Variants in PDE3A observed in about 807,000 individuals in gnomAD.
The protein encoded by PDE3A is phosphodiesterase 3A.
In PDE3A, 43 loss-of-function variants were observed where a neutral mutation model predicts 98.3. That is an observed-to-expected ratio of 0.44 (90% CI 0.34 to 0.56). The LOEUF (loss-of-function observed/expected upper bound fraction) is 0.56. Among genes scored for constraint, PDE3A ranks in the 20% least tolerant of loss-of-function variants. PDE3A has a pLI of 0.01. For synonymous variants in PDE3A, 663 were observed against 567.9 expected, an observed-to-expected ratio of 1.17 and a Z score of -2.38; for missense variants, 1,427 against 1,440.7, an observed-to-expected ratio of 0.99 and a Z score of 0.15.
chr12:20,371,297 G>A (rs1446538129), intron 1 of PDE3A: 2 of 955,222 alleles, frequency 2.1e-6, no homozygotes, highest in Middle Eastern at 5.4e-4. Flanking sequence ...CGAAGGGTAT[G>A]CCTCCCTAGT....
Position 20,488,144 on chromosome 12 carries a change from G to A in PDE3A, c.961-68516G>A, listed in dbSNP as rs186284557. On this transcript the variant is annotated intron_variant, in intron 1 of 15. Coordinates refer to ENST00000359062, the MANE Select transcript of PDE3A (RefSeq NM_000921.5). The stretch of plus-strand genomic sequence containing the variant: ...TCTTTACTCTTGGGGGGCAAGAGGG[G>A]CACTATATTATCCTTTTTACCTTCT... Among the ~76,000 whole-genome samples, 24 of 152,104 alleles carry A rather than the reference G, an allele frequency of 1.6e-4. 1 individual carries two copies. The highest frequency in any genetic ancestry group is 1.6e-3 in the Admixed American group (24 of 15,262).
intron 2 of PDE3A, among the ~76,000 whole-genome samples, chr12:20,595,130 T>C (rs981184571): frequency 2.0e-5 from 3 of 152,180 alleles, no homozygotes; most frequent in Non-Finnish European, 4.4e-5. Flanking sequence ...TCAGGATTAG[T>C]GCATTTAGTG....
At chr12:20,530,767 A>G (rs1337507914) in intron 1 of PDE3A, among the ~76,000 whole-genome samples, 4 of 152,228 alleles carry the variant, frequency 2.6e-5, no homozygotes, top group African/African-American at 9.6e-5. Flanking sequence ...AACAAGGATC[A>G]TTCAAGTCCT....
intron 1 of PDE3A, among the ~76,000 whole-genome samples, chr12:20,386,150 T>TAA (rs1565532650): frequency 1.7e-4 from 5 of 28,832 alleles, no homozygotes; most frequent in East Asian, 4.6e-3. Flanking sequence ...TAAATATATA[T>TAA]ATAAATATAT....
chr12:20,496,478 G>C (rs1242459406), intron 1 of PDE3A, among the ~76,000 whole-genome samples: 1 of 152,052 alleles, frequency 6.6e-6, no homozygotes, highest in African/African-American at 2.4e-5. Context: ...TGACAGCTCT[G>C]ATTCCTGATG....
At chr12:20,642,741 A>T (rs1266080962) in intron 10 of PDE3A, among the ~76,000 whole-genome samples, 1 of 152,160 alleles carries the variant, frequency 6.6e-6, no homozygotes, top group South Asian at 2.1e-4. Flanking sequence ...TCAGCTGTAC[A>T]TGATGTGCCC....
chr12:20,534,258 C>T (rs1293130094), intron 1 of PDE3A, among the ~76,000 whole-genome samples: 3 of 152,202 alleles, frequency 2.0e-5, no homozygotes, highest in Non-Finnish European at 4.4e-5. Context: ...CTTACATAAC[C>T]TGTGCCTGGC....
Position 20,685,270 on chromosome 12 carries a change from G to T in PDE3A, c.*4999G>T, listed in dbSNP as rs758019165. ...TTTACTAAAAATACAAAATGATTCA[G>T]GTGTGGTGGCGCATGTCTGTAATCC... On this transcript the variant is annotated 3_prime_UTR_variant, in exon 16 of 16. Coordinates refer to ENST00000359062, the MANE Select transcript of PDE3A (RefSeq NM_000921.5). Among the ~76,000 whole-genome samples, 1 of 152,024 alleles carries T rather than the reference G, an allele frequency of 6.6e-6. No homozygotes were observed. Among genetic ancestry groups the T allele is most frequent in the African/African-American group, 2.4e-5 (1 of 41,476 alleles).
At chr12:20,672,142 G>C (rs1228838561) in intron 15 of PDE3A, among the ~76,000 whole-genome samples, 18 of 149,546 alleles carry the variant, frequency 1.2e-4, no homozygotes, top group Non-Finnish European at 3.0e-5. Flanking sequence ...ACTTACAAGG[G>C]ATGTGAAGGA....
At position 20,369,608 on chromosome 12, in the gene PDE3A, AG is replaced by A; in HGVS notation, c.329del (p.Gly110AlafsTer97). The A allele has an allele frequency of 1.9e-6, 3 of 1,572,506 alleles. No homozygotes were observed. The highest frequency in any genetic ancestry group is 2.6e-6 in the Non-Finnish European group (3 of 1,159,596). On this transcript the variant is annotated frameshift_variant, in exon 1 of 16. Transcript: ENST00000359062. LOFTEE classifies it high-confidence loss of function. ...EEEEAAPGAE[G>X]GVFPGPRGGA... ...AGGAGGAAGCAGCCCCGGGAGCAGA[AG>A]GGGGCGTCTTCCCGGGGCCTCGGGG...
intron 1 of PDE3A, among the ~76,000 whole-genome samples, chr12:20,534,006 G>T (rs1043001884): frequency 1.3e-5 from 2 of 151,910 alleles, no homozygotes; most frequent in African/African-American, 4.8e-5. Context: ...CTTAGCATCT[G>T]CCAGGGGTGT....
At chr12:20,455,007 T>C (rs1945131021) in intron 1 of PDE3A, among the ~76,000 whole-genome samples, 1 of 152,200 alleles carries the variant, frequency 6.6e-6, no homozygotes, top group African/African-American at 2.4e-5. Flanking sequence ...ATTTCTGGGT[T>C]GAATGGTAGT....
intron 1 of PDE3A, among the ~76,000 whole-genome samples, chr12:20,496,694 T>C (rs1419698094): frequency 6.6e-6 from 1 of 152,192 alleles, no homozygotes; most frequent in Non-Finnish European, 1.5e-5. Context: ...GAAGTATACT[T>C]TTTTAGATTT....
chr12:20,607,217 T>C (rs1943731076), intron 2 of PDE3A, among the ~76,000 whole-genome samples: 1 of 151,970 alleles, frequency 6.6e-6, no homozygotes, highest in African/African-American at 2.4e-5. Flanking sequence ...GGTGGGAGGA[T>C]TGCTTGAACC....
At chr12:20,668,618 A>G (rs1744299098) in intron 15 of PDE3A, among the ~76,000 whole-genome samples, 1 of 152,156 alleles carries the variant, frequency 6.6e-6, no homozygotes, top group South Asian at 2.1e-4. Context: ...GGGTACTCCA[A>G]CAGACCTGCA....
chr12:20,422,098 G>A lies in PDE3A; in HGVS notation c.960+51854G>A, dbSNP rs1476612114. ...GCAATGGCTCACGCCTGTAATCCTA[G>A]CACTTTGGGAGGCCGAGGTGGGCGG... On this transcript the variant is annotated intron_variant, in intron 1 of 15. Coordinates refer to ENST00000359062, the MANE Select transcript of PDE3A (RefSeq NM_000921.5). Among the ~76,000 whole-genome samples, 8 of 152,318 alleles carry A rather than the reference G, an allele frequency of 5.3e-5. No individual in the cohort carries two copies. The East Asian group carries it at 1.5e-3, about 29-fold the overall frequency.
At chr12:20,668,783 G>C in intron 15 of PDE3A, among the ~76,000 whole-genome samples, 1 of 151,644 alleles carries the variant, frequency 6.6e-6, no homozygotes, top group South Asian at 2.1e-4. Flanking sequence ...ACTCTAAAAA[G>C]CAGAGCACCA....
intron 4 of PDE3A, among the ~76,000 whole-genome samples, chr12:20,617,359 C>A (rs1944030859): frequency 6.6e-6 from 1 of 152,060 alleles, no homozygotes; most frequent in Admixed American, 6.6e-5. Flanking sequence ...TCTAAGACAT[C>A]TATAGAATTG....
intron 1 of PDE3A, among the ~76,000 whole-genome samples, chr12:20,457,378 T>C (rs985730886): frequency 6.6e-6 from 1 of 151,814 alleles, no homozygotes; most frequent in Admixed American, 6.6e-5. Context: ...CTCCCAACAG[T>C]ATTATACTTG....
Sources: gnomAD v4.1 joint callset for allele counts (sites outside exome capture counted in the v4.1 genomes callset) on GRCh38, gnomAD v4.1.1 for gene constraint, MANE v1.5 for transcripts, NCBI Gene and HGNC (gene_info 2026-07-23, HGNC 2026-07-21) for gene names.